Variants in RNF212 observed in about 807,000 individuals in gnomAD.
RNF212 encodes probable E3 SUMO-protein ligase RNF212.
RNF212 carries 33 observed loss-of-function variants against 34.7 expected under a neutral mutation model. That is an observed-to-expected ratio of 0.95 (90% CI 0.72 to 1.27). The LOEUF (loss-of-function observed/expected upper bound fraction) is 1.27, where lower values mean the gene tolerates loss of function less well. RNF212 is among the 50% of genes most tolerant of loss of function. The pLI is 0.00. For synonymous variants in RNF212, 140 were observed against 136.1 expected (o/e 1.03, Z -0.20); for missense variants, 377 against 362.2 (o/e 1.04, Z -0.33).
intron 4 of RNF212, among the ~76,000 whole-genome samples, chr4:1,087,539 CAG>C (rs1560127441): frequency 8.6e-6 from 1 of 116,570 alleles, no homozygotes; most frequent in Non-Finnish European, 1.8e-5. Context: ...GGTGACAGGA[CAG>C]GGGAGAGGCT....
chr4:1,098,557 C>T (rs1005576187), intron 2 of RNF212, among the ~76,000 whole-genome samples: 1 of 152,122 alleles, frequency 6.6e-6, no homozygotes, highest in Non-Finnish European at 1.5e-5. Context: ...GGGGTAGGAG[C>T]TCCCGTGTAA....
chr4:1,110,353 C>T (rs1464322717), intron 1 of RNF212, among the ~76,000 whole-genome samples: 3 of 152,148 alleles, frequency 2.0e-5, no homozygotes, highest in African/African-American at 4.8e-5. Flanking sequence ...CAGGTGCTCA[C>T]GTGTCACTAC....
At chr4:1,089,680 G>C (rs1294869991) in intron 4 of RNF212, among the ~76,000 whole-genome samples, 1 of 150,830 alleles carries the variant, frequency 6.6e-6, no homozygotes, top group Non-Finnish European at 1.5e-5. Flanking sequence ...ATGTGTCAAG[G>C]GAGGGATCCG....
intron 3 of RNF212, among the ~76,000 whole-genome samples, chr4:1,063,686 C>A (rs1414136020): frequency 1.6e-5 from 2 of 123,500 alleles, no homozygotes; most frequent in Admixed American, 8.3e-5. Context: ...CAGAGTGAGA[C>A]TCAGTCTCAA....
At chr4:1,105,995 T>G (rs761380535) in intron 2 of RNF212, among the ~76,000 whole-genome samples, 1 of 152,212 alleles carries the variant, frequency 6.6e-6, no homozygotes, top group Non-Finnish European at 1.5e-5. Context: ...AGGGCCTACA[T>G]GCATGGGGGA....
At chr4:1,104,499 C>T (rs540004884) in intron 2 of RNF212, among the ~76,000 whole-genome samples, 7 of 152,302 alleles carry the variant, frequency 4.6e-5, no homozygotes, top group Non-Finnish European at 1.0e-4. Context: ...TGGGCCAGGC[C>T]TGGAAGTGGT....
chr4:1,090,189 C>T, intron 4 of RNF212, among the ~76,000 whole-genome samples: 1 of 145,852 alleles, frequency 6.9e-6, no homozygotes, highest in Non-Finnish European at 1.5e-5. Flanking sequence ...GGTGACAGGA[C>T]AGGGCAAGGT....
Position 1,072,735 on chromosome 4 carries a change from A to T in RNF212, c.*139T>A. On this transcript the variant is annotated 3_prime_UTR_variant, in exon 10 of 10. Transcript: ENST00000433731. The stretch of plus-strand genomic sequence containing the variant: ...AGGTCAAATATAAAATTACAAAGCA[A>T]ATTGGGTAAAAGGTTAATATCCTGC... 1 of 1,422,660 alleles carries T rather than the reference A, an allele frequency of 7.0e-7. No homozygotes were observed. Among genetic ancestry groups the T allele is most frequent in the Admixed American group, 3.0e-5 (1 of 33,260 alleles). 88.1% of individuals were successfully genotyped at this position (1,422,660 alleles called of 1,614,324 possible).
At chr4:1,066,890 CT>C (rs1456916336), downstream of RNF212, among the ~76,000 whole-genome samples, 6 of 152,084 alleles carry the variant, frequency 3.9e-5, no homozygotes, top group Admixed American at 1.3e-4. Flanking sequence ...CATTGTGAAC[CT>C]TTTGCTCTAT....
At chr4:1,081,750 C>T in intron 5 of RNF212, 131 bp from the exon 6 acceptor site, 1 of 685,726 alleles carries the variant, frequency 1.5e-6, no homozygotes, top group East Asian at 2.7e-5. Flanking sequence ...CGGCATTTCA[C>T]ATGAATTCAG....
intron 1 of RNF212, among the ~76,000 whole-genome samples, chr4:1,111,186 T>C (rs1301575849): frequency 6.6e-6 from 1 of 152,210 alleles, no homozygotes; most frequent in African/African-American, 2.4e-5. Flanking sequence ...CATCAACATC[T>C]CTTTTTTACC....
In RNF212 at chr4:1,057,191, T is replaced by C. The variant is rs950890587; in HGVS notation, n.221-688A>G. On this transcript the variant is annotated intron_variant and non_coding_transcript_variant, in intron 4 of 4. Transcript: ENST00000503206. ...ATGTGGACCGATGCTGCAGGGCCCG[T>C]GGGCACCCAGGAGGGTCGACAACCC... Among the ~76,000 whole-genome samples the C allele has an allele frequency of 5.9e-4, 90 of 152,094 alleles. 2 individuals carry two copies. The highest frequency in any genetic ancestry group is 2.0e-3 in the African/African-American group (84 of 41,480).
At chr4:1,061,112 G>C (rs567053939) in intron 3 of RNF212, among the ~76,000 whole-genome samples, 1 of 152,340 alleles carries the variant, frequency 6.6e-6, no homozygotes, top group Admixed American at 6.5e-5. Context: ...TTGCAGCTTT[G>C]GGAGGAGCGG....
intron 4 of RNF212, chr4:1,056,631 T>C (rs1717344868): frequency 2.2e-6 from 1 of 446,608 alleles, no homozygotes; most frequent in African/African-American, 2.1e-5. Flanking sequence ...ATTATCAATA[T>C]GTTTAAGTCA....
chr4:1,060,268 A>G (rs1200744499), intron 3 of RNF212, among the ~76,000 whole-genome samples: 1 of 152,224 alleles, frequency 6.6e-6, no homozygotes, highest in African/African-American at 2.4e-5. Context: ...ATGGGATCTC[A>G]GACCCGAAAG....
intron 3 of RNF212, among the ~76,000 whole-genome samples, chr4:1,059,203 C>T (rs568964380): frequency 1.9e-4 from 29 of 152,326 alleles, no homozygotes; most frequent in African/African-American, 6.3e-4. Context: ...AGGCAGCCTC[C>T]GTGCCCCCGA....
intron 4 of RNF212, among the ~76,000 whole-genome samples, chr4:1,089,374 T>C (rs1167941314): frequency 6.6e-6 from 1 of 152,230 alleles, no homozygotes; most frequent in East Asian, 1.9e-4. Flanking sequence ...ATTTCTCCCA[T>C]TTGGAATGGG....
chr4:1,070,542 G>T (rs1234184441), downstream of RNF212, among the ~76,000 whole-genome samples: 6 of 90,398 alleles, frequency 6.6e-5, no homozygotes, highest in African/African-American at 1.5e-4. Context: ...CAGCGTGGAC[G>T]CCTGGCCTGA....
chr4:1,093,944 C>G, intron 3 of RNF212: 1 of 1,536,268 alleles, frequency 6.5e-7, no homozygotes, highest in Middle Eastern at 1.7e-4. Context: ...GGTCGAGCCT[C>G]TGGGCACCTC....
Sources: gnomAD v4.1 joint callset for allele counts (sites outside exome capture counted in the v4.1 genomes callset) on GRCh38, gnomAD v4.1.1 for gene constraint, MANE v1.5 for transcripts, NCBI Gene and HGNC (gene_info 2026-07-23, HGNC 2026-07-21) for gene names.